The following RNASEH2B variants were observed in gnomAD, a reference collection of about 807,000 sequenced individuals.
RNASEH2B encodes the protein ribonuclease H2 subunit B, also known as Aicardi-Goutieres syndrome 2 protein.
RNASEH2B carries 36 observed loss-of-function variants against 45.0 expected under a neutral mutation model. The observed-to-expected ratio is 0.80, with a 90% CI of 0.61 to 1.06. The LOEUF (loss-of-function observed/expected upper bound fraction) is 1.06, where lower values mean the gene tolerates loss of function less well. RNASEH2B is among the 50% of genes least tolerant of loss of function. The probability of loss-of-function intolerance (pLI) is 0.00; values close to 1 mark genes in which losing one functional copy is unlikely to be tolerated. For synonymous variants in RNASEH2B, 119 were observed against 125.7 expected, an observed-to-expected ratio of 0.95 and a Z score of 0.35; for missense variants, 361 against 360.3, an observed-to-expected ratio of 1.00 and a Z score of -0.02.
chr13:50,945,118 C>A (rs775591570), intron 6 of RNASEH2B, among the ~76,000 whole-genome samples: 2 of 152,152 alleles, frequency 1.3e-5, no homozygotes, highest in African/African-American at 4.8e-5. Context: ...AAGTAACTAG[C>A]CGTGGTTACA....
chr13:50,933,160 C>A (rs151082083), intron 4 of RNASEH2B, among the ~76,000 whole-genome samples: 47 of 152,308 alleles, frequency 3.1e-4, no homozygotes, highest in African/African-American at 1.0e-3. Context: ...GTGGTGTTTT[C>A]TAGGATAAAT....
intron 1 of RNASEH2B, among the ~76,000 whole-genome samples, chr13:50,924,855 C>A (rs1347916306): frequency 6.6e-6 from 1 of 152,132 alleles, no homozygotes; most frequent in Non-Finnish European, 1.5e-5. Flanking sequence ...CCAAGATTTT[C>A]TTTTAATTAC....
chr13:50,957,679 T>C (rs6561603), downstream of RNASEH2B, among the ~76,000 whole-genome samples: 94,252 of 152,052 alleles, frequency 0.62, 29,748 homozygotes, highest in African/African-American at 0.71. Context: ...TCTTTGAGAA[T>C]TCTTCAAACT....
intron 9 of RNASEH2B, 59 bp from the exon 10 acceptor site, chr13:50,953,846 A>T: frequency 8.6e-7 from 1 of 1,156,228 alleles, no homozygotes; most frequent in Admixed American, 1.8e-5. Context: ...TTTTTTTTTA[A>T]TGGATTGATG....
At chr13:50,919,521 G>A (rs1951489730) in intron 1 of RNASEH2B, among the ~76,000 whole-genome samples, 1 of 152,208 alleles carries the variant, frequency 6.6e-6, no homozygotes, top group Non-Finnish European at 1.5e-5. Flanking sequence ...CTGGATTGCA[G>A]CTGGTTAGAT....
At chr13:50,919,588 T>A (rs531367362) in intron 1 of RNASEH2B, among the ~76,000 whole-genome samples, 1 of 152,338 alleles carries the variant, frequency 6.6e-6, no homozygotes, top group South Asian at 2.1e-4. Flanking sequence ...AAATTTTAAA[T>A]GTTTATATCA....
chr13:50,933,553 T>A (rs1951708982), intron 4 of RNASEH2B, among the ~76,000 whole-genome samples: 1 of 152,246 alleles, frequency 6.6e-6, no homozygotes, highest in African/African-American at 2.4e-5. Context: ...AAATGTGACC[T>A]GTTCTTTTAA....
downstream of RNASEH2B, among the ~76,000 whole-genome samples, chr13:50,960,351 C>T (rs945166015): frequency 2.0e-5 from 3 of 151,924 alleles, no homozygotes; most frequent in Non-Finnish European, 2.9e-5. Context: ...ATATATTTTA[C>T]ATTATATTAC....
At chr13:50,954,192 C>A in intron 10 of RNASEH2B, 1 of 625,854 alleles carries the variant, frequency 1.6e-6, no homozygotes, top group African/African-American at 1.8e-5. Flanking sequence ...CAGAGAAAAA[C>A]AATATACTAC....
intron 7 of RNASEH2B, among the ~76,000 whole-genome samples, chr13:50,947,365 T>G (rs1951912459): frequency 6.7e-6 from 1 of 148,988 alleles, no homozygotes; most frequent in Non-Finnish European, 1.5e-5. Context: ...TGTTTAAGTT[T>G]AAGTATTTTA....
At chr13:50,936,743 C>T (rs1221534260) in intron 5 of RNASEH2B, 1 of 152,176 alleles carries the variant, frequency 6.6e-6, no homozygotes, top group Non-Finnish European at 1.5e-5. Flanking sequence ...TGTATAAGAA[C>T]AATCATCTTA....
chr13:50,911,616 GT>G (rs1390942611), intron 1 of RNASEH2B: 1 of 152,212 alleles, frequency 6.6e-6, no homozygotes, highest in African/African-American at 2.4e-5. Context: ...CACAAGCAGT[GT>G]ATGAGAGTTC....
rs1951855188 is a variant in RNASEH2B at position 50,943,272 on chromosome 13, GT to G, written c.437-46del. ...ACTTGTATATGATACAACCTTAGGA[GT>G]TTATTTTTTTTTTAATTCATTGTGC... On this transcript the variant is annotated intron_variant, in intron 5 of 10. Coordinates refer to ENST00000336617, the MANE Select transcript of RNASEH2B (RefSeq NM_024570.4). The G allele has an allele frequency of 3.7e-6, 4 of 1,081,124 alleles. No individual in the cohort carries two copies. In the South Asian group the frequency reaches 5.3e-5, roughly 14 times the overall value. 67.0% of individuals were successfully genotyped at this position (1,081,124 alleles called of 1,614,324 possible). A position where few individuals can be genotyped will look rare whatever the true frequency, so the allele number is the denominator to read the frequency against.
intron 1 of RNASEH2B, among the ~76,000 whole-genome samples, chr13:50,914,946 A>G (rs1001025969): frequency 2.0e-5 from 3 of 152,320 alleles, no homozygotes; most frequent in Non-Finnish European, 4.4e-5. Context: ...CCTGGCTATA[A>G]TAACACAGAC....
In RNASEH2B at chr13:50,945,368, A is replaced by G; in HGVS notation, c.511-59A>G. 2.5e-6 allele frequency: 3 copies of G among 1,207,508 alleles called. No homozygotes were observed. The South Asian group carries it at 3.6e-5, about 15-fold the overall frequency. The allele number at this position is 1,207,508 out of a possible 1,614,324, so 74.8% of individuals were successfully genotyped here. A position where few individuals can be genotyped will look rare whatever the true frequency, so the allele number is the denominator to read the frequency against. ...TGGTCTGAAGGCCACCTATGAATTC[A>G]TAGATTTCTAAAGTTAAGTTGAAAA... On this transcript the variant is annotated intron_variant, in intron 6 of 10. Coordinates refer to ENST00000336617, the MANE Select transcript of RNASEH2B (RefSeq NM_024570.4).
rs1180866537 is a variant in RNASEH2B, at chr13:50,918,133, A to ATATT, written c.64+8012_64+8015dup. Reference sequence around the variant, plus strand: ...TGCTGAAGGCTAGTTTCTAATTTTTATATTTATTTATTTATTTATTTAGAG... The same window carrying ATATT: ...TGCTGAAGGCTAGTTTCTAATTTTTATATTTATTTATTTATTTATTTATTTAGAG... On this transcript the variant is annotated intron_variant, in intron 1 of 10. Transcript: ENST00000336617. Among the ~76,000 whole-genome samples the ATATT allele has an allele frequency of 2.0e-4, 31 of 151,902 alleles. 1 individual carries two copies. Among genetic ancestry groups the ATATT allele is most frequent in the South Asian group, 8.3e-4 (4 of 4,818 alleles).
At position 50,947,968 on chromosome 13, in the gene RNASEH2B, C is replaced by G; in HGVS notation, c.617-19C>G. On this transcript the variant is annotated intron_variant, in intron 7 of 10. Transcript: ENST00000336617. ...CTATTTTTTTTTTTTGCTTTCACTC[C>G]TCCTTCTGTTTCTTTCAGAGGATTA... is the stretch of plus-strand genomic sequence containing the variant. 6.2e-7 allele frequency: 1 copy of G among 1,606,614 alleles called. No homozygotes were observed.
downstream of RNASEH2B, chr13:50,959,954 T>G: frequency 3.0e-6 from 1 of 329,690 alleles, no homozygotes; most frequent in Non-Finnish European, 5.4e-6. Context: ...TAACTTACTT[T>G]GGGAAAACAA....
chr13:50,948,087 C>T lies in RNASEH2B; in HGVS notation c.698+19C>T, dbSNP rs767879095. The stretch of plus-strand genomic sequence containing the variant: ...ACTTAAAGTGAGTATTGATTATCTT[C>T]AGTCATAATGAAGTACCATTTGCTT... On this transcript the variant is annotated intron_variant, in intron 8 of 10. Transcript: ENST00000336617. 4 of 1,609,212 alleles carry T rather than the reference C, an allele frequency of 2.5e-6. No individual in the cohort carries two copies. The highest frequency in any genetic ancestry group is 1.7e-5 in the Admixed American group (1 of 59,984).
Sources: allele counts gnomAD v4.1 joint callset (sites outside exome capture counted in the v4.1 genomes callset), GRCh38; gene constraint gnomAD v4.1.1; transcripts MANE v1.5; gene names NCBI Gene and HGNC (gene_info 2026-07-23, HGNC 2026-07-21).